Variants in BTK observed in about 807,000 individuals in gnomAD.
The protein encoded by BTK is Bruton tyrosine kinase.
BTK carries 5 observed loss-of-function variants against 57.4 expected under a neutral mutation model. The observed-to-expected ratio is 0.09, with a 90% CI of 0.05 to 0.18. BTK has a LOEUF of 0.18. Among genes scored for constraint, BTK ranks in the 10% least tolerant of loss-of-function variants. The pLI, the probability that BTK is intolerant of heterozygous loss-of-function variation, is 1.00. For synonymous variants in BTK, 154 were observed against 174.3 expected, an observed-to-expected ratio of 0.88 and a Z score of 0.92; for missense variants, 194 against 501.2, an observed-to-expected ratio of 0.39 and a Z score of 5.85.
At chrX:101,374,039 T>A (rs782481266) in intron 3 of BTK, among the ~76,000 whole-genome samples, 1 of 108,839 alleles carries the variant, frequency 9.2e-6, no homozygotes, top group East Asian at 2.8e-4. Context: ...AGCGAGACTC[T>A]GTCTAAAAAA....
chrX:101,354,434 G>A (rs1232083137), intron 16 of BTK, among the ~76,000 whole-genome samples, 196 bp downstream of exon 16: 1 of 111,276 alleles, frequency 9.0e-6, no homozygotes, highest in Non-Finnish European at 1.9e-5. Context: ...AGGAAGGAAA[G>A]GGATATGACA....
chrX:101,357,613 G>A, intron 12 of BTK, 30 bp from the exon 13 acceptor site: 4 of 1,146,284 alleles, frequency 3.5e-6, no homozygotes, highest in Non-Finnish European at 4.8e-6. Flanking sequence ...CATGCTGTTG[G>A]TGTGGTGTAG....
rs1926523761 is a variant in BTK, at chrX:101,357,567, G to A, written c.1119C>T (p.Leu373=). 6.6e-6 allele frequency: 8 copies of A among 1,210,326 alleles called. No individual in the cohort carries two copies. The East Asian group carries it at 2.1e-4, about 31-fold the overall frequency. ...QHNSAGLISR[L]KYPVSQQNKN... ...TGTTTTGTTGAGACACTGGATATTT[G>A]AGCCTGGATATGAGTCCTGAAACAG... is the stretch of plus-strand genomic sequence containing the variant. Residue 373 remains leucine, a synonymous_variant, in exon 13 of 19, where the codon CTC becomes CTT. Coordinates refer to ENST00000308731, the MANE Select transcript of BTK (RefSeq NM_000061.3).
At chrX:101,380,937 C>A (rs1042684601) in intron 1 of BTK, among the ~76,000 whole-genome samples, 4 of 96,844 alleles carry the variant, frequency 4.1e-5, no homozygotes, top group Non-Finnish European at 8.0e-5. Context: ...ACCCGGGAGG[C>A]AGAGGTTGCA....
chrX:101,374,755 G>A, intron 2 of BTK, 121 bp from the exon 3 acceptor site: 2 of 609,995 alleles, frequency 3.3e-6, no homozygotes, highest in Admixed American at 5.5e-5. Flanking sequence ...TGTCATGTGG[G>A]GGAAGAAAAA....
At chrX:101,373,181 T>C (rs1489383798) in intron 3 of BTK, among the ~76,000 whole-genome samples, 1 of 111,181 alleles carries the variant, frequency 9.0e-6, no homozygotes, top group African/African-American at 3.3e-5. Flanking sequence ...GTGTATGAAA[T>C]TCAATTCCAC....
chrX:101,349,670 G>T lies in BTK; in HGVS notation c.*215C>A. 2.3e-6 allele frequency: 1 copy of T among 428,296 alleles called. No individual in the cohort carries two copies. Among genetic ancestry groups the T allele is most frequent in the Non-Finnish European group, 4.1e-6 (1 of 243,829 alleles). The allele number at this position is 428,296 out of a possible 1,213,427, so 35.3% of individuals were successfully genotyped here. A position where few individuals can be genotyped will look rare whatever the true frequency, so the allele number is the denominator to read the frequency against. ...AATTCAGTCTGTCTTAATTCTCTCGGGAAATTTCAGGCACAATAATTTCTT... is the reference window on the plus strand; with the variant it reads ...AATTCAGTCTGTCTTAATTCTCTCGTGAAATTTCAGGCACAATAATTTCTT... On this transcript the variant is annotated 3_prime_UTR_variant, in exon 19 of 19. Transcript: ENST00000308731.
chrX:101,359,481 G>GCTATGCA, intron 9 of BTK, 134 bp from the exon 10 acceptor site: 1 of 642,806 alleles, frequency 1.6e-6, no homozygotes, highest in Non-Finnish European at 2.6e-6. Context: ...TCTGTCATGT[G>GCTATGCA]CATAGCACAC....
At chrX:101,359,206 C>T in intron 10 of BTK, 87 bp downstream of exon 10, 1 of 1,044,954 alleles carries the variant, frequency 9.6e-7, no homozygotes, top group Admixed American at 2.2e-5. Flanking sequence ...CACTGCCTTG[C>T]CCAAAGGTAG....
At chrX:101,377,987 T>C (rs1555981276) in intron 1 of BTK, 1 of 106,917 alleles carries the variant, frequency 9.4e-6, no homozygotes, top group African/African-American at 3.6e-5. Context: ...GGATCCATTT[T>C]TGAGTCCTCC....
chrX:101,365,808 A>C (rs975843673), intron 5 of BTK, among the ~76,000 whole-genome samples: 2 of 112,177 alleles, frequency 1.8e-5, no homozygotes, highest in Non-Finnish European at 3.8e-5. Context: ...AGCTTGACCA[A>C]AGATTCAAGA....
At chrX:101,357,635 C>T (rs1555978042) in intron 12 of BTK, 52 bp from the exon 13 acceptor site, 1 of 938,331 alleles carries the variant, frequency 1.1e-6, no homozygotes, top group Non-Finnish European at 1.5e-6. Flanking sequence ...AGGTGGGATG[C>T]CTCACACATC....
intron 11 of BTK, 58 bp downstream of exon 11, chrX:101,358,559 G>T (rs782465507): frequency 1.2e-4 from 139 of 1,165,971 alleles, no homozygotes; most frequent in African/African-American, 6.9e-4. Flanking sequence ...GCATCAAGGA[G>T]CTATTAGGAG....
At position 101,373,699 on chromosome X, in the gene BTK, T is replaced by C. The variant is rs1397156753; in HGVS notation, c.240+837A>G. On this transcript the variant is annotated intron_variant, in intron 3 of 18. Coordinates refer to ENST00000308731, the MANE Select transcript of BTK (RefSeq NM_000061.3). ...TAATCTTTTTGTATTTTTTATATAT[T>C]CCAGAGTTTCTGTAATAAATACGCA... Among the ~76,000 whole-genome samples, 5 of 112,070 alleles carry C rather than the reference T, an allele frequency of 4.5e-5. No homozygotes were observed. The Admixed American group carries it at 4.8e-4, about 11-fold the overall frequency.
chrX:101,360,502 C>T (rs910541979), intron 8 of BTK, 66 bp downstream of exon 8: 1 of 1,113,478 alleles, frequency 9.0e-7, no homozygotes, highest in Non-Finnish European at 1.2e-6. Context: ...GGAATTATGC[C>T]GCAGCACTTT....
chrX:101,360,180 C>G (rs372135557), intron 8 of BTK, 30 bp from the exon 9 acceptor site: 1 of 1,085,812 alleles, frequency 9.2e-7, no homozygotes, highest in African/African-American at 1.8e-5. Context: ...GCAGTTCATC[C>G]AGCACCTCCC....
intron 1 of BTK, among the ~76,000 whole-genome samples, chrX:101,381,362 C>A (rs1316235783): frequency 9.0e-6 from 1 of 111,696 alleles, no homozygotes; most frequent in Non-Finnish European, 1.9e-5. Context: ...TTGCATCATT[C>A]CTTCTTGCCT....
chrX:101,372,018 A>T lies in BTK; in HGVS notation c.241-317T>A, dbSNP rs1294963941. 2.7e-5 allele frequency among the ~76,000 whole-genome samples: 3 copies of T among 112,292 alleles called. No individual in the cohort carries two copies. The East Asian group carries it at 8.3e-4, about 31-fold the overall frequency. On this transcript the variant is annotated intron_variant, in intron 3 of 18. Coordinates refer to ENST00000308731, the MANE Select transcript of BTK (RefSeq NM_000061.3). ...AGGTAGCTATGCTACACCATACACC[A>T]AAGAAAATTCCAGATGGATTCAAGA...
intron 1 of BTK, among the ~76,000 whole-genome samples, chrX:101,380,449 A>C (rs1218847120): frequency 2.7e-5 from 3 of 111,406 alleles, no homozygotes; most frequent in African/African-American, 9.8e-5. Flanking sequence ...TTTCAAATAG[A>C]AAGTACAGGG....
Sources: gnomAD v4.1 joint callset for allele counts (sites outside exome capture counted in the v4.1 genomes callset) on GRCh38, gnomAD v4.1.1 for gene constraint, MANE v1.5 for transcripts, NCBI Gene and HGNC (gene_info 2026-07-23, HGNC 2026-07-21) for gene names.